Variants in GPM6B observed in about 807,000 individuals in gnomAD.
GPM6B encodes neuronal membrane glycoprotein M6-b.
In GPM6B, 4 loss-of-function variants were observed where a neutral mutation model predicts 27.2. The observed-to-expected ratio is 0.15, with a 90% CI of 0.07 to 0.34. The LOEUF (loss-of-function observed/expected upper bound fraction) is 0.34. Ranked by LOEUF, GPM6B falls within the 10% of genes least tolerant of loss-of-function variation. The pLI, the probability that GPM6B is intolerant of heterozygous loss-of-function variation, is 1.00. For synonymous variants in GPM6B, 124 were observed against 103.1 expected (o/e 1.20, Z -1.23); for missense variants, 183 against 261.9 (o/e 0.70, Z 2.08).
At chrX:13,909,559 A>G (rs760744537) in intron 1 of GPM6B, among the ~76,000 whole-genome samples, 49 of 111,895 alleles carry the variant, frequency 4.4e-4, no homozygotes, top group Admixed American at 9.5e-5. Flanking sequence ...GATGACGAAG[A>G]TCAACATGAT....
intron 1 of GPM6B, among the ~76,000 whole-genome samples, chrX:13,932,160 C>G (rs1309299243): frequency 9.0e-6 from 1 of 110,998 alleles, no homozygotes; most frequent in African/African-American, 3.3e-5. Context: ...ACAATCTGGC[C>G]TCAGCTCTCC....
chrX:13,910,584 T>C (rs773478591), intron 1 of GPM6B, among the ~76,000 whole-genome samples: 1 of 113,219 alleles, frequency 8.8e-6, no homozygotes, highest in Non-Finnish European at 1.9e-5. Flanking sequence ...CCTTGTGATT[T>C]ACTTCGTCCT....
At chrX:13,791,102 A>C (rs189233134) in intron 2 of GPM6B, among the ~76,000 whole-genome samples, 7 of 112,672 alleles carry the variant, frequency 6.2e-5, no homozygotes, top group South Asian at 3.7e-4. Flanking sequence ...CAAGCTTCAA[A>C]CCAGCAATGA....
chrX:13,850,148 T>C (rs1229806120), intron 1 of GPM6B, among the ~76,000 whole-genome samples: 3 of 112,271 alleles, frequency 2.7e-5, no homozygotes, highest in Non-Finnish European at 3.8e-5. Context: ...ATATTGGAGA[T>C]GGGGCCCAAT....
upstream of GPM6B, chrX:13,938,490 C>G (rs749014438): frequency 3.2e-6 from 3 of 943,059 alleles, no homozygotes; most frequent in Non-Finnish European, 4.0e-6. Context: ...TGGCGCGCAG[C>G]CAGCGCGCTC....
At chrX:13,918,532 A>G (rs1982448431) in intron 1 of GPM6B, among the ~76,000 whole-genome samples, 1 of 112,357 alleles carries the variant, frequency 8.9e-6, no homozygotes, top group Non-Finnish European at 1.9e-5. Context: ...GATGATATAT[A>G]GTTGGGCAAA....
chrX:13,871,505 T>C (rs2049978328), intron 1 of GPM6B, among the ~76,000 whole-genome samples: 1 of 112,139 alleles, frequency 8.9e-6, no homozygotes, highest in African/African-American at 3.2e-5. Context: ...GATTAGCGCC[T>C]TTCTCCTCAA....
At chrX:13,911,466 C>A (rs1462479322) in intron 1 of GPM6B, among the ~76,000 whole-genome samples, 1 of 112,050 alleles carries the variant, frequency 8.9e-6, no homozygotes, top group African/African-American at 3.2e-5. Context: ...TAGTCTCAAG[C>A]CACATGCCAC....
chrX:13,933,713 G>C (rs1018800234), intron 1 of GPM6B, among the ~76,000 whole-genome samples: 1 of 111,720 alleles, frequency 9.0e-6, no homozygotes. Context: ...AAGTAAGTAC[G>C]GGCAAATTTA....
chrX:13,782,297 T>C (rs762746569), intron 4 of GPM6B, among the ~76,000 whole-genome samples: 1 of 111,530 alleles, frequency 9.0e-6, no homozygotes, highest in East Asian at 2.8e-4. Context: ...CCTCACAGTG[T>C]CCCCATCTCT....
In GPM6B at chrX:13,903,251, C is replaced by CA. The variant is rs1251895819; in HGVS notation, c.-198+35075dup. Among the ~76,000 whole-genome samples, 13 of 111,689 alleles carry CA rather than the reference C, an allele frequency of 1.2e-4. No individual in the cohort carries two copies. The Admixed American group carries it at 1.2e-3, about 11-fold the overall frequency. On this transcript the variant is annotated intron_variant, in intron 1 of 6. Coordinates refer to the GPM6B transcript ENST00000398361. ...CATCTTTGGGTTCACAGGACCACCT[C>CA]AAAATCTCGATTTATACCAGGCTAA...
chrX:13,927,467 C>T (rs769942521), intron 1 of GPM6B, among the ~76,000 whole-genome samples: 4 of 112,603 alleles, frequency 3.6e-5, no homozygotes, highest in African/African-American at 6.4e-5. Context: ...TCCAAACAAA[C>T]GAGAAGAAAA....
intron 1 of GPM6B, among the ~76,000 whole-genome samples, chrX:13,814,571 A>G (rs1285384961): frequency 8.9e-6 from 1 of 112,323 alleles, no homozygotes; most frequent in African/African-American, 3.2e-5. Flanking sequence ...ATAAACTTAA[A>G]GTTAAATCTG....
At chrX:13,822,970 G>GCTTTGGGA (rs1199128498) in intron 1 of GPM6B, among the ~76,000 whole-genome samples, 4 of 111,865 alleles carry the variant, frequency 3.6e-5, no homozygotes, top group Non-Finnish European at 7.5e-5. Flanking sequence ...TCCATAATCA[G>GCTTTGGGA]AATTTCCCAA....
intron 1 of GPM6B, among the ~76,000 whole-genome samples, chrX:13,831,743 T>G (rs2049442524): frequency 8.9e-6 from 1 of 112,055 alleles, no homozygotes. Context: ...TACTAACCTG[T>G]GCCCTTCAAC....
chrX:13,911,377 G>C (rs2050377468), intron 1 of GPM6B, among the ~76,000 whole-genome samples: 3 of 111,437 alleles, frequency 2.7e-5, no homozygotes, highest in South Asian at 7.4e-4. Context: ...TTCTTTCTTA[G>C]GTGGCTACAG....
In GPM6B at chrX:13,894,532, C is replaced by T. The variant is rs180785465; in HGVS notation, c.-198+43795G>A. Among the ~76,000 whole-genome samples, 164 of 112,000 alleles carry T rather than the reference C, an allele frequency of 1.5e-3. 4 individuals carry two copies. Among genetic ancestry groups the T allele is most frequent in the African/African-American group, 5.1e-3 (157 of 30,875 alleles). On this transcript the variant is annotated intron_variant, in intron 1 of 6. Coordinates refer to the GPM6B transcript ENST00000398361. The stretch of plus-strand genomic sequence containing the variant: ...ATTTCATTTACTATAGGGTTAGAAA[C>T]GAATATTCCTATTTAGCATATTTGT...
chrX:13,818,999 G>A (rs2049278734), upstream of GPM6B, among the ~76,000 whole-genome samples: 1 of 112,475 alleles, frequency 8.9e-6, no homozygotes, highest in Non-Finnish European at 1.9e-5. Context: ...TTTTTTGGCT[G>A]TTGCTTAAGA....
chrX:13,783,676 G>A (rs982374499), intron 3 of GPM6B, 155 bp from the exon 4 acceptor site: 12 of 493,556 alleles, frequency 2.4e-5, no homozygotes, highest in African/African-American at 1.2e-4. Context: ...CATCCTGGGC[G>A]GCATCCCTGC....
Sources: allele counts gnomAD v4.1 joint callset (sites outside exome capture counted in the v4.1 genomes callset), GRCh38; gene constraint gnomAD v4.1.1; transcripts MANE v1.5; gene names NCBI Gene and HGNC (gene_info 2026-07-23, HGNC 2026-07-21).